THSD7B: variants seen among roughly 807,000 people sequenced by gnomAD.
THSD7B encodes the protein thrombospondin type-1 domain-containing protein 7B.
In THSD7B, 138 loss-of-function variants were observed where a neutral mutation model predicts 213.6. The ratio of observed to expected loss-of-function variants is 0.65; its 90% confidence interval spans 0.56 to 0.74. The LOEUF is 0.74. Ranked by LOEUF, THSD7B falls within the 30% of genes least tolerant of loss-of-function variation. The probability of loss-of-function intolerance (pLI) is 0.00; values close to 1 mark genes in which losing one functional copy is unlikely to be tolerated. For synonymous variants in THSD7B, 742 were observed against 687.0 expected (o/e 1.08, Z -1.25); for missense variants, 1,931 against 1,991.5 (o/e 0.97, Z 0.58).
chr2:137,500,385 A>C (rs140835699), intron 15 of THSD7B, among the ~76,000 whole-genome samples: 159 of 152,344 alleles, frequency 1.0e-3, no homozygotes, highest in African/African-American at 3.5e-3. Flanking sequence ...TAGACATTTT[A>C]GACATGCGTA....
intron 2 of THSD7B, among the ~76,000 whole-genome samples, chr2:137,044,332 G>A (rs1466095345): frequency 6.6e-6 from 1 of 152,140 alleles, no homozygotes; most frequent in Non-Finnish European, 1.5e-5. Flanking sequence ...TAGTCTCTTT[G>A]TAAGGCTGCT....
rs764321163 is a variant in THSD7B at position 137,056,642 on chromosome 2, G to A, written c.362G>A (p.Arg121His). 1.1e-5 allele frequency: 18 copies of A among 1,613,954 alleles called. No individual in the cohort carries two copies. The Admixed American group carries it at 2.8e-4, about 25-fold the overall frequency. Residue 121 changes from arginine to histidine, a missense_variant, in exon 3 of 28, where the codon CGC becomes CAC. Coordinates refer to ENST00000409968, the MANE Select transcript of THSD7B (RefSeq NM_001316349.2). ...CACTGTGTGCTTGTTCCTTACGCTC[G>A]CGGTGAAGTCAAGCCTCGGACTGCA... is the stretch of plus-strand genomic sequence containing the variant. Reference protein sequence around the residue: ...WHHCVLVPYARGEVKPRTAEC... With the variant: ...WHHCVLVPYAHGEVKPRTAEC...
intron 17 of THSD7B, among the ~76,000 whole-genome samples, chr2:137,581,771 TA>T (rs1167680028): frequency 0.16 from 20,078 of 126,540 alleles, 1,461 homozygotes; most frequent in Non-Finnish European, 0.18. Flanking sequence ...AAAAAAAAAA[TA>T]AAAAAAAAAA....
chr2:137,418,097 G>C (rs1330401071), intron 14 of THSD7B, among the ~76,000 whole-genome samples: 1 of 152,142 alleles, frequency 6.6e-6, no homozygotes, highest in Non-Finnish European at 1.5e-5. Context: ...TGCTACTTTT[G>C]TTTGTTTTAA....
intron 1 of THSD7B, among the ~76,000 whole-genome samples, chr2:136,865,373 A>T (rs1573676767): frequency 1.3e-5 from 2 of 152,328 alleles, no homozygotes; most frequent in African/African-American, 4.8e-5. Context: ...GCTTTAGATT[A>T]AAAAAGGAGA....
chr2:137,502,912 A>G (rs1038108664), intron 15 of THSD7B, among the ~76,000 whole-genome samples: 1 of 152,206 alleles, frequency 6.6e-6, no homozygotes, highest in African/African-American at 2.4e-5. Context: ...TATGGAATAT[A>G]ATATAAATGG....
Position 137,592,127 on chromosome 2 carries a change from C to T in THSD7B, c.3423+19571C>T, listed in dbSNP as rs541895452. Among the ~76,000 whole-genome samples the T allele has an allele frequency of 2.0e-5, 3 of 151,736 alleles. No individual in the cohort carries two copies. The South Asian group carries it at 6.2e-4, about 32-fold the overall frequency. On this transcript the variant is annotated intron_variant, in intron 17 of 27. Transcript: ENST00000409968. ...ACTATGCCTTGTATTTTTCTGTGCACTTGAGTAATTTAATATTACTACTGA... is the reference window on the plus strand; with the variant it reads ...ACTATGCCTTGTATTTTTCTGTGCATTTGAGTAATTTAATATTACTACTGA...
At chr2:137,010,169 T>C (rs913356590) in intron 2 of THSD7B, among the ~76,000 whole-genome samples, 1 of 152,196 alleles carries the variant, frequency 6.6e-6, no homozygotes, top group Admixed American at 6.5e-5. Context: ...GGACATGTGT[T>C]TTCCATTACG....
chr2:137,265,571 G>A (rs1682568521), intron 10 of THSD7B, among the ~76,000 whole-genome samples: 1 of 152,152 alleles, frequency 6.6e-6, no homozygotes, highest in South Asian at 2.1e-4. Context: ...ACCCAAAACA[G>A]CCTTCTTTGA....
chr2:137,181,037 T>A (rs1680443354), intron 7 of THSD7B, among the ~76,000 whole-genome samples: 1 of 152,160 alleles, frequency 6.6e-6, no homozygotes, highest in Admixed American at 6.5e-5. Flanking sequence ...CCCACACACA[T>A]TTCCCTCTGG....
intron 15 of THSD7B, among the ~76,000 whole-genome samples, chr2:137,558,618 G>A (rs1681037978): frequency 6.6e-6 from 1 of 152,086 alleles, no homozygotes; most frequent in African/African-American, 2.4e-5. Flanking sequence ...TACTGAATAG[G>A]CAAAAACTGG....
At chr2:137,411,955 C>T in intron 14 of THSD7B, 83 bp downstream of exon 14, 1 of 1,464,252 alleles carries the variant, frequency 6.8e-7, no homozygotes, top group Non-Finnish European at 9.2e-7. Flanking sequence ...ATTAATAGCT[C>T]TGCTCTATAA....
intron 2 of THSD7B, among the ~76,000 whole-genome samples, chr2:137,016,755 A>C (rs571440834): frequency 6.6e-6 from 1 of 152,274 alleles, no homozygotes; most frequent in South Asian, 2.1e-4. Flanking sequence ...ATTAGACCAC[A>C]ATTCTTTAGA....
intron 7 of THSD7B, among the ~76,000 whole-genome samples, chr2:137,228,115 C>G (rs76955491): frequency 0.058 from 8,671 of 150,210 alleles, 369 homozygotes; most frequent in Non-Finnish European, 0.094. Context: ...TCTGGCTAGA[C>G]ACATTGCAGC....
chr2:137,051,191 A>C (rs977076405), intron 2 of THSD7B, among the ~76,000 whole-genome samples: 1 of 152,200 alleles, frequency 6.6e-6, no homozygotes, highest in Non-Finnish European at 1.5e-5. Flanking sequence ...GGAAGGACCA[A>C]ACACCCTCTT....
intron 24 of THSD7B, among the ~76,000 whole-genome samples, chr2:137,658,907 A>C (rs1683289591): frequency 6.6e-6 from 1 of 152,244 alleles, no homozygotes; most frequent in Non-Finnish European, 1.5e-5. Context: ...AGTACTATAT[A>C]AATGGTGCTT....
At chr2:137,484,107 T>A (rs1390146289) in intron 15 of THSD7B, among the ~76,000 whole-genome samples, 1 of 151,686 alleles carries the variant, frequency 6.6e-6, no homozygotes, top group Non-Finnish European at 1.5e-5. Context: ...GCCATGCTGG[T>A]GTGCTGCACC....
intron 12 of THSD7B, among the ~76,000 whole-genome samples, chr2:137,373,677 T>G (rs1382774177): frequency 6.6e-6 from 1 of 152,242 alleles, no homozygotes; most frequent in Non-Finnish European, 1.5e-5. Context: ...TAGTTTCTTT[T>G]GCTGTGCAGA....
chr2:136,804,111 C>T (rs995790747), intron 1 of THSD7B, among the ~76,000 whole-genome samples: 16 of 152,106 alleles, frequency 1.1e-4, no homozygotes, highest in African/African-American at 3.6e-4. Context: ...TGAAAATACT[C>T]CTGTACAAAG....
Sources: allele counts gnomAD v4.1 joint callset (sites outside exome capture counted in the v4.1 genomes callset), GRCh38; gene constraint gnomAD v4.1.1; transcripts MANE v1.5; gene names NCBI Gene and HGNC (gene_info 2026-07-23, HGNC 2026-07-21).